HAS2: variants seen among roughly 807,000 people sequenced by gnomAD.
HAS2 encodes the protein hyaluronan synthase 2.
HAS2 carries 16 observed loss-of-function variants against 51.6 expected under a neutral mutation model. The observed-to-expected ratio is 0.31, with a 90% CI of 0.21 to 0.47. The LOEUF is 0.47. Ranked by LOEUF, HAS2 falls within the 20% of genes least tolerant of loss-of-function variation. The probability of loss-of-function intolerance (pLI) is 1.00; values close to 1 mark genes in which losing one functional copy is unlikely to be tolerated. For missense variants in HAS2, 361 were observed against 662.6 expected, an observed-to-expected ratio of 0.54 and a Z score of 5.00; for synonymous variants, 228 against 235.5, an observed-to-expected ratio of 0.97 and a Z score of 0.29.
chr8:121,623,073 A>G (rs1042115444), intron 2 of HAS2, among the ~76,000 whole-genome samples: 1 of 152,126 alleles, frequency 6.6e-6, no homozygotes, highest in Non-Finnish European at 1.5e-5. Context: ...AATCTAGCCA[A>G]CAGAAAGCCT....
chr8:121,635,313 T>C (rs963800848), intron 1 of HAS2, among the ~76,000 whole-genome samples: 7 of 152,192 alleles, frequency 4.6e-5, no homozygotes, highest in Admixed American at 3.9e-4. Context: ...TCATATTGAC[T>C]CATAAAATAG....
At chr8:121,640,441 GT>G (rs1461427932) in intron 1 of HAS2, among the ~76,000 whole-genome samples, 115 of 151,912 alleles carry the variant, frequency 7.6e-4, no homozygotes, top group Middle Eastern at 3.4e-3. Context: ...GTGTGTGTGT[GT>G]GTGGGAAAAA....
intron 2 of HAS2, among the ~76,000 whole-genome samples, chr8:121,625,022 C>T (rs1014156059): frequency 7.1e-5 from 10 of 141,826 alleles, no homozygotes; most frequent in Non-Finnish European, 1.1e-4. Flanking sequence ...GGCATGAACC[C>T]GGGAGGCGGA....
intron 1 of HAS2, among the ~76,000 whole-genome samples, chr8:121,638,650 G>T (rs186325645): frequency 3.3e-5 from 5 of 152,276 alleles, no homozygotes; most frequent in Admixed American, 3.3e-4. Context: ...AACGCAACAG[G>T]TAACTTAAAG....
At chr8:121,616,529 C>G (rs1352677680) in intron 3 of HAS2, among the ~76,000 whole-genome samples, 1 of 151,740 alleles carries the variant, frequency 6.6e-6, no homozygotes, top group Non-Finnish European at 1.5e-5. Flanking sequence ...CTCCACCTCC[C>G]AGGTCCAAGA....
intron 2 of HAS2, among the ~76,000 whole-genome samples, chr8:121,628,056 TGCAG>T (rs1294191067): frequency 6.6e-6 from 1 of 152,208 alleles, no homozygotes; most frequent in Admixed American, 6.5e-5. Flanking sequence ...CTAATTTTCA[TGCAG>T]GCAAACACCA....
Position 121,629,026 on chromosome 8 carries a change from A to T in HAS2, c.315T>A (p.Ser105=), listed in dbSNP as rs1221287529. ...DPDYLRKCLQ[S]VKRLTYPGIK... ...TCCCAGGGTAGGTTAGCCTTTTCAC[A>T]GATTGCAAACATTTCCTTAAGTAGT... Residue 105 remains serine (S), a synonymous_variant, in exon 2 of 4, where the codon TCT becomes TCA. Transcript: ENST00000303924. 3 of 1,614,002 alleles carry T rather than the reference A, an allele frequency of 1.9e-6. No individual in the cohort carries two copies. Among genetic ancestry groups the T allele is most frequent in the East Asian group, 2.2e-5 (1 of 44,892 alleles).
chr8:121,622,918 G>T (rs1001694658), intron 2 of HAS2, among the ~76,000 whole-genome samples: 20 of 151,252 alleles, frequency 1.3e-4, no homozygotes, highest in African/African-American at 4.6e-4. Context: ...AGCTACAAAA[G>T]CTTTTTGAAA....
Position 121,614,054 on chromosome 8 carries a change from G to T in HAS2, c.*55C>A, listed in dbSNP as rs1419792819. ...TTATCTGATGCCACAATACTGTACA[G>T]CCCCTAGAGGAACTAAGGTGTTGTG... On this transcript the variant is annotated 3_prime_UTR_variant, in exon 4 of 4. Coordinates refer to ENST00000303924, the MANE Select transcript of HAS2 (RefSeq NM_005328.3). The surrounding 1 kb of genome is among the most constrained non-coding windows in gnomAD (Gnocchi z 7.2). 3.1e-6 allele frequency: 5 copies of T among 1,611,868 alleles called. No homozygotes were observed. The South Asian group carries it at 4.4e-5, about 14-fold the overall frequency.
chr8:121,632,068 A>G (rs1327159882), intron 1 of HAS2, among the ~76,000 whole-genome samples: 3 of 152,234 alleles, frequency 2.0e-5, no homozygotes, highest in African/African-American at 7.2e-5. Flanking sequence ...CTTTACTAGC[A>G]TACCACAGCA....
chr8:121,612,904 C>T lies in HAS2; in HGVS notation c.*1205G>A, dbSNP rs1180074739. 6.6e-6 allele frequency: 1 copy of T among 151,084 alleles called. No homozygotes were observed. The highest frequency in any genetic ancestry group is 2.4e-5 in the African/African-American group (1 of 41,068). The allele number at this position is 151,084 out of a possible 1,614,324, so 9.4% of individuals were successfully genotyped here. On this transcript the variant is annotated 3_prime_UTR_variant, in exon 4 of 4. Transcript: ENST00000303924. Reference sequence around the variant, plus strand: ...TGTTTTATAATTTATCCAACTCACCCGTGTAAACATTATACTAACATGTAA... The same window carrying T: ...TGTTTTATAATTTATCCAACTCACCTGTGTAAACATTATACTAACATGTAA...
intron 2 of HAS2, among the ~76,000 whole-genome samples, chr8:121,617,931 G>T (rs561216709): frequency 6.6e-6 from 1 of 151,588 alleles, no homozygotes; most frequent in East Asian, 2.0e-4. Flanking sequence ...GAATTTAAAA[G>T]TGGATATAAA....
chr8:121,627,886 C>A (rs927161171), intron 2 of HAS2, among the ~76,000 whole-genome samples: 3 of 152,178 alleles, frequency 2.0e-5, no homozygotes, highest in Non-Finnish European at 4.4e-5. Flanking sequence ...TCAATACCAT[C>A]ATGGCCAAAA....
At position 121,625,675 on chromosome 8, in the gene HAS2, A is replaced by ATT. The variant is rs934743239; in HGVS notation, c.627+3037_627+3038dup. Reference sequence around the variant, plus strand: ...AGACATGCACCACCAAGTCCAGCTAATTTTTTTTTTTTTTTTTTTTTTTTT... The same window carrying ATT: ...AGACATGCACCACCAAGTCCAGCTAATTTTTTTTTTTTTTTTTTTTTTTTTTT... On this transcript the variant is annotated intron_variant, in intron 2 of 3. Transcript: ENST00000303924. 1.6e-3 allele frequency among the ~76,000 whole-genome samples: 177 copies of ATT among 108,108 alleles called. 3 individuals carry two copies. The highest frequency in any genetic ancestry group is 4.4e-3 in the African/African-American group (107 of 24,522). 70.9% of individuals were successfully genotyped at this position (108,108 alleles called of 152,430 possible).
chr8:121,629,145 A>G lies in HAS2; in HGVS notation c.196T>C (p.Leu66=), dbSNP rs376187173. 6.2e-7 allele frequency: 1 copy of G among 1,614,134 alleles called. No homozygotes were observed. Among genetic ancestry groups the G allele is most frequent in the African/African-American group, 1.3e-5 (1 of 75,054 alleles). ...HLIIQSLFAF[L]EHRKMKKSLE... ...GATTTTTTCATTTTTCGGTGCTCCA[A>G]AAAGGCAAACAGGCTTTGGATGATG... The change falls in exon 2 of 4, where the codon TTG becomes CTG. Residue 66 remains leucine, a synonymous_variant. Coordinates refer to ENST00000303924, the MANE Select transcript of HAS2 (RefSeq NM_005328.3).
At chr8:121,632,998 A>C (rs1008426879) in intron 1 of HAS2, among the ~76,000 whole-genome samples, 4 of 152,238 alleles carry the variant, frequency 2.6e-5, no homozygotes, top group African/African-American at 7.2e-5. Flanking sequence ...GCATAAGGCC[A>C]GATAATTATT....
chr8:121,629,826 T>C (rs1162083392), intron 1 of HAS2, among the ~76,000 whole-genome samples: 2 of 152,152 alleles, frequency 1.3e-5, no homozygotes, highest in Non-Finnish European at 2.9e-5. Context: ...TCACCTCCAA[T>C]GTGTATTCTT....
intron 2 of HAS2, among the ~76,000 whole-genome samples, chr8:121,619,991 A>G (rs1378435099): frequency 6.6e-6 from 1 of 152,204 alleles, no homozygotes; most frequent in Non-Finnish European, 1.5e-5. Flanking sequence ...GATGTTCTGC[A>G]TATTTCAATT....
intron 1 of HAS2, among the ~76,000 whole-genome samples, chr8:121,635,870 A>G (rs1301424191): frequency 6.6e-6 from 1 of 152,252 alleles, no homozygotes; most frequent in Non-Finnish European, 1.5e-5. Flanking sequence ...CTTAAATCAT[A>G]TGCATGATAA....
Sources: allele counts gnomAD v4.1 joint callset (sites outside exome capture counted in the v4.1 genomes callset), GRCh38; gene constraint gnomAD v4.1.1; non-coding constraint Gnocchi (gnomAD v3.1); transcripts MANE v1.5; gene names NCBI Gene and HGNC (gene_info 2026-07-23, HGNC 2026-07-21).